NIBAN1: variants seen among roughly 807,000 people sequenced by gnomAD.
The protein encoded by NIBAN1 is protein Niban 1.
A neutral mutation model predicts 75.1 loss-of-function variants in NIBAN1; 81 were observed. That is an observed-to-expected ratio of 1.08 (90% confidence interval 0.90 to 1.30). The LOEUF (loss-of-function observed/expected upper bound fraction) is 1.30. Among genes scored for constraint, NIBAN1 ranks in the 50% most tolerant of loss-of-function variants. The pLI is 0.00. For missense variants in NIBAN1, 1,133 were observed against 1,128.1 expected (o/e 1.00, Z -0.06); for synonymous variants, 436 against 424.8 (o/e 1.03, Z -0.32).
intron 12 of NIBAN1, among the ~76,000 whole-genome samples, chr1:184,799,839 G>A (rs1289477892): frequency 4.6e-5 from 4 of 87,680 alleles, no homozygotes; most frequent in East Asian, 4.2e-4. Context: ...TCCGCCTCCC[G>A]GGTTCAAGCC....
At chr1:184,886,082 C>G (rs1235145067) in intron 4 of NIBAN1, among the ~76,000 whole-genome samples, 1 of 152,116 alleles carries the variant, frequency 6.6e-6, no homozygotes, top group East Asian at 1.9e-4. Flanking sequence ...ATAGAACCCT[C>G]TCTTCCCTCC....
At chr1:184,930,517 A>G (rs234633) in intron 1 of NIBAN1, among the ~76,000 whole-genome samples, 95,023 of 152,024 alleles carry the variant, frequency 0.63, 30,731 homozygotes, top group African/African-American at 0.78. Context: ...TTCAAAGGGG[A>G]GCAAGTTATG....
chr1:184,794,924 C>T lies in NIBAN1; in HGVS notation c.*53G>A, dbSNP rs778644455. 3.4e-5 allele frequency: 54 copies of T among 1,599,958 alleles called. No individual in the cohort carries two copies. Among genetic ancestry groups the T allele is most frequent in the Non-Finnish European group, 4.2e-5 (50 of 1,179,110 alleles). The stretch of plus-strand genomic sequence containing the variant: ...GCTTGCATGCAACCCCTAAGTGTAC[C>T]CCTATAACCCTTTGGCTTTTTTCAG... On this transcript the variant is annotated 3_prime_UTR_variant, in exon 14 of 14. Coordinates refer to ENST00000367511, the MANE Select transcript of NIBAN1 (RefSeq NM_052966.4).
chr1:184,840,956 A>AGC (rs1553219530), intron 5 of NIBAN1, among the ~76,000 whole-genome samples: 7 of 147,976 alleles, frequency 4.7e-5, no homozygotes, highest in African/African-American at 1.7e-4. Context: ...AAAGAGTGTG[A>AGC]GTGTGTGTGT....
intron 8 of NIBAN1, among the ~76,000 whole-genome samples, chr1:184,821,807 A>T (rs1375249740): frequency 6.6e-6 from 1 of 152,206 alleles, no homozygotes; most frequent in Non-Finnish European, 1.5e-5. Context: ...AGAAAACATC[A>T]AATACTCTGA....
In NIBAN1 at chr1:184,795,063, G is replaced by A. The variant is rs150424002; in HGVS notation, c.2701C>T (p.Pro901Ser). The A allele has an allele frequency of 8.1e-5, 130 of 1,613,958 alleles. No homozygotes were observed. In the African/African-American group the frequency reaches 1.6e-3, roughly 20 times the overall value. Residue 901 changes from proline (P) to serine (S), a missense_variant, in exon 14 of 14, where the codon CCG (proline) becomes TCG (serine). Coordinates refer to ENST00000367511, the MANE Select transcript of NIBAN1 (RefSeq NM_052966.4). ...TCTTTGTGTGACAGCAGGACATCCGGGTTTGGAGCATCCTCCACCACCCAC... is the reference window on the plus strand; with the variant it reads ...TCTTTGTGTGACAGCAGGACATCCGAGTTTGGAGCATCCTCCACCACCCAC... ...CQWVVEDAPN[P>S]DVLLSHKDDV...
intron 8 of NIBAN1, 67 bp downstream of exon 8, chr1:184,823,100 G>A: frequency 6.5e-7 from 1 of 1,534,308 alleles, no homozygotes; most frequent in Non-Finnish European, 8.9e-7. Flanking sequence ...ATGCATTCCT[G>A]CTATGTGGTG....
chr1:184,922,034 TAGA>T (rs2102019739), intron 1 of NIBAN1, among the ~76,000 whole-genome samples: 1 of 152,150 alleles, frequency 6.6e-6, no homozygotes, highest in Non-Finnish European at 1.5e-5. Context: ...TTGATGAGAG[TAGA>T]AGGAATTACT....
intron 1 of NIBAN1, among the ~76,000 whole-genome samples, chr1:184,901,630 A>AT (rs1489201174): frequency 6.6e-6 from 1 of 152,162 alleles, no homozygotes; most frequent in Non-Finnish European, 1.5e-5. Flanking sequence ...TCTAATGTTT[A>AT]TTTTTGTACT....
At chr1:184,939,283 G>A (rs1571589643) in intron 1 of NIBAN1, among the ~76,000 whole-genome samples, 1 of 152,278 alleles carries the variant, frequency 6.6e-6, no homozygotes, top group African/African-American at 2.4e-5. Context: ...ACACTTCCAG[G>A]GGGAGTAACT....
intron 12 of NIBAN1, among the ~76,000 whole-genome samples, chr1:184,800,695 A>G (rs1284346102): frequency 6.6e-6 from 1 of 152,202 alleles, no homozygotes; most frequent in African/African-American, 2.4e-5. Context: ...GCGCAACTAT[A>G]TCTACGCCAT....
chr1:184,843,632 A>C (rs1174068426), intron 5 of NIBAN1, among the ~76,000 whole-genome samples: 2 of 152,158 alleles, frequency 1.3e-5, no homozygotes, highest in Non-Finnish European at 2.9e-5. Context: ...ATTATTTCCT[A>C]TCTTCCCTGG....
chr1:184,888,283 C>T (rs1028714631), intron 4 of NIBAN1: 1 of 152,184 alleles, frequency 6.6e-6, no homozygotes, highest in African/African-American at 2.4e-5. Flanking sequence ...CTTTATTATG[C>T]CTTTATTCTT....
At chr1:184,965,461 G>A (rs1005993630) in intron 1 of NIBAN1, among the ~76,000 whole-genome samples, 1 of 152,170 alleles carries the variant, frequency 6.6e-6, no homozygotes, top group African/African-American at 2.4e-5. Context: ...GAATAGTGCT[G>A]CAATGAATAC....
chr1:184,868,332 A>C (rs1326944341), intron 5 of NIBAN1: 1 of 152,276 alleles, frequency 6.6e-6, no homozygotes, highest in Non-Finnish European at 1.5e-5. Context: ...TCCAGTTAAC[A>C]AAAGAAAATG....
chr1:184,939,871 G>A (rs1432951022), intron 1 of NIBAN1, among the ~76,000 whole-genome samples: 2 of 152,194 alleles, frequency 1.3e-5, no homozygotes, highest in African/African-American at 4.8e-5. Context: ...ACCTCTGGTG[G>A]GTAGGGGTAA....
chr1:184,856,166 T>A (rs1655671066), intron 5 of NIBAN1, among the ~76,000 whole-genome samples: 1 of 152,196 alleles, frequency 6.6e-6, no homozygotes, highest in South Asian at 2.1e-4. Context: ...ACTTCTCAAT[T>A]TAAATATAAG....
chr1:184,914,964 C>T (rs889390591), intron 1 of NIBAN1, among the ~76,000 whole-genome samples: 25 of 152,138 alleles, frequency 1.6e-4, no homozygotes, highest in African/African-American at 5.1e-4. Context: ...TCTCGTGATC[C>T]GCCTGCCTTG....
At chr1:184,839,282 A>C (rs1655217951) in intron 5 of NIBAN1, among the ~76,000 whole-genome samples, 2 of 152,140 alleles carry the variant, frequency 1.3e-5, no homozygotes, top group South Asian at 2.1e-4. Context: ...TTTATCATGT[A>C]ATTTTTAAAA....
Sources: gnomAD v4.1 joint callset for allele counts (sites outside exome capture counted in the v4.1 genomes callset) on GRCh38, gnomAD v4.1.1 for gene constraint, MANE v1.5 for transcripts, NCBI Gene and HGNC (gene_info 2026-07-23, HGNC 2026-07-21) for gene names.